The following DNAJC10 variants were observed in gnomAD, a reference collection of about 807,000 sequenced individuals.
DNAJC10 encodes endoplasmic reticulum disulfide reductase DNAJC10.
Under a neutral mutation model 115.0 loss-of-function variants are expected in DNAJC10, and 101 were observed. The observed-to-expected ratio is 0.88, with a 90% confidence interval of 0.75 to 1.04. The LOEUF (loss-of-function observed/expected upper bound fraction) is 1.04. Among genes scored for constraint, DNAJC10 ranks in the 50% least tolerant of loss-of-function variants. The probability of loss-of-function intolerance (pLI) is 0.00; values close to 1 mark genes in which losing one functional copy is unlikely to be tolerated. For synonymous variants in DNAJC10, 307 were observed against 301.5 expected (o/e 1.02, Z -0.19); for missense variants, 981 against 928.8 (o/e 1.06, Z -0.73).
chr2:182,736,057 C>T (rs537045669), intron 10 of DNAJC10, among the ~76,000 whole-genome samples, 192 bp from the exon 11 acceptor site: 1 of 141,492 alleles, frequency 7.1e-6, no homozygotes, highest in East Asian at 2.0e-4. Context: ...CAATTTTTTG[C>T]ACTTAATATT....
intron 21 of DNAJC10, among the ~76,000 whole-genome samples, chr2:182,761,993 A>T (rs1239103878): frequency 6.6e-6 from 1 of 152,122 alleles, no homozygotes; most frequent in African/African-American, 2.4e-5. Context: ...TCAGCAGTAA[A>T]CATCAGTTGC....
chr2:182,769,767 G>C (rs943819160), intron 22 of DNAJC10, among the ~76,000 whole-genome samples: 3 of 152,036 alleles, frequency 2.0e-5, no homozygotes, highest in African/African-American at 7.2e-5. Flanking sequence ...CCATTCTGTA[G>C]GTTGCCTTTC....
intron 22 of DNAJC10, among the ~76,000 whole-genome samples, chr2:182,771,462 T>C (rs1302281905): frequency 6.6e-6 from 1 of 152,086 alleles, no homozygotes; most frequent in East Asian, 1.9e-4. Context: ...GGTCCTGGAC[T>C]TTTTTTGGTT....
intron 14 of DNAJC10, among the ~76,000 whole-genome samples, chr2:182,744,745 C>T (rs1297525407): frequency 6.6e-6 from 1 of 151,984 alleles, no homozygotes; most frequent in Non-Finnish European, 1.5e-5. Context: ...AGTAACTTGC[C>T]CTATGACAGA....
chr2:182,776,257 T>A (rs1694703379), intron 23 of DNAJC10, among the ~76,000 whole-genome samples: 1 of 152,192 alleles, frequency 6.6e-6, no homozygotes. Context: ...GAATAGCAAA[T>A]TTTCTTTTGT....
Position 182,729,952 on chromosome 2 carries a change from T to A in DNAJC10, c.727+11T>A. ...CAGAACTTTGGACAGGTAATTTTAT[T>A]TTCTTAATTTGCTTGATTTTCAGGG... is the stretch of plus-strand genomic sequence containing the variant. On this transcript the variant is annotated intron_variant, in intron 8 of 23. Transcript: ENST00000264065. 6.4e-7 allele frequency: 1 copy of A among 1,551,754 alleles called. No homozygotes were observed. Among genetic ancestry groups the A allele is most frequent in the Non-Finnish European group, 8.8e-7 (1 of 1,135,920 alleles).
At position 182,788,483 on chromosome 2, in the gene DNAJC10, AAAAT is replaced by A. The variant is rs1438297158; in HGVS notation, c.*11353_*11356del. On this transcript the variant is annotated 3_prime_UTR_variant, in exon 24 of 24. Coordinates refer to ENST00000264065, the MANE Select transcript of DNAJC10 (RefSeq NM_018981.4). ...ATCAAATAAGTTATAAAACCACCAA[AAAAT>A]AGGAGAAAATGGGAGTAAAAACAAA... 1 of 203,630 alleles carries A rather than the reference AAAAT, an allele frequency of 4.9e-6. No homozygotes were observed. Among genetic ancestry groups the A allele is most frequent in the Non-Finnish European group, 9.9e-6 (1 of 100,742 alleles). The allele number at this position is 203,630 out of a possible 1,614,324, so 12.6% of individuals were successfully genotyped here. A position where few individuals can be genotyped will look rare whatever the true frequency, so the allele number is the denominator to read the frequency against.
intron 23 of DNAJC10, among the ~76,000 whole-genome samples, chr2:182,775,950 G>A (rs1694694500): frequency 6.6e-6 from 1 of 152,160 alleles, no homozygotes; most frequent in Non-Finnish European, 1.5e-5. Flanking sequence ...CCGAAGTGGA[G>A]TGGGATAGAA....
At chr2:182,720,254 T>A in intron 4 of DNAJC10, 85 bp downstream of exon 4, 1 of 1,129,550 alleles carries the variant, frequency 8.9e-7, no homozygotes, top group Non-Finnish European at 1.3e-6. Flanking sequence ...AGCTTATATA[T>A]TTAAGATGCG....
chr2:182,731,245 A>G, intron 9 of DNAJC10, 138 bp downstream of exon 9: 1 of 582,846 alleles, frequency 1.7e-6, no homozygotes, highest in East Asian at 3.0e-5. Flanking sequence ...TTTTTTACTT[A>G]ATGAATATTC....
At chr2:182,756,701 G>A (rs898367048) in intron 18 of DNAJC10, among the ~76,000 whole-genome samples, 2 of 151,984 alleles carry the variant, frequency 1.3e-5, no homozygotes, top group African/African-American at 2.4e-5. Context: ...CGGGTAGCAG[G>A]GGGCAGAGTC....
chr2:182,736,036 G>T (rs1207955804), intron 10 of DNAJC10, among the ~76,000 whole-genome samples: 3 of 151,736 alleles, frequency 2.0e-5, no homozygotes, highest in Non-Finnish European at 4.4e-5. Context: ...CATTTCTCAA[G>T]TTACTAAGTA....
Position 182,781,031 on chromosome 2 carries a change from A to G in DNAJC10, c.*3899A>G, listed in dbSNP as rs1349977404. 1 of 151,940 alleles carries G rather than the reference A, an allele frequency of 6.6e-6. No homozygotes were observed. Among genetic ancestry groups the G allele is most frequent in the African/African-American group, 2.4e-5 (1 of 41,324 alleles). 9.4% of individuals were successfully genotyped at this position (151,940 alleles called of 1,614,324 possible). The stretch of plus-strand genomic sequence containing the variant: ...TGTGCAGAACATGCAGGTTTGTTAC[A>G]TAGGTATACATGTGCCATGGTGGTT... On this transcript the variant is annotated 3_prime_UTR_variant, in exon 24 of 24. Coordinates refer to ENST00000264065, the MANE Select transcript of DNAJC10 (RefSeq NM_018981.4).
chr2:182,763,077 A>G (rs1160662912), intron 22 of DNAJC10, among the ~76,000 whole-genome samples: 1 of 152,126 alleles, frequency 6.6e-6, no homozygotes, highest in African/African-American at 2.4e-5. Context: ...ATTCGTGATA[A>G]TCTTTGAGTG....
intron 7 of DNAJC10, among the ~76,000 whole-genome samples, chr2:182,729,454 A>C (rs917120808): frequency 6.6e-6 from 1 of 152,180 alleles, no homozygotes; most frequent in African/African-American, 2.4e-5. Flanking sequence ...TGGCAAAAAA[A>C]ACACCATTGA....
chr2:182,740,812 A>G (rs1693714269), intron 12 of DNAJC10, among the ~76,000 whole-genome samples: 1 of 152,098 alleles, frequency 6.6e-6, no homozygotes, highest in Non-Finnish European at 1.5e-5. Context: ...TGCAAAAGTA[A>G]TTGCAGTTTT....
chr2:182,736,114 C>G (rs573662026), intron 10 of DNAJC10, 135 bp from the exon 11 acceptor site: 2 of 597,030 alleles, frequency 3.3e-6, no homozygotes, highest in South Asian at 4.3e-5. Flanking sequence ...TACTTTTTAA[C>G]TTTGCTGTAG....
chr2:182,733,124 A>G (rs1693493774), intron 10 of DNAJC10, among the ~76,000 whole-genome samples: 2 of 152,018 alleles, frequency 1.3e-5, no homozygotes, highest in African/African-American at 4.8e-5. Context: ...ATGATCTATA[A>G]TTTCTAAGAG....
At chr2:182,764,260 A>ATATTTACC (rs1211392540) in intron 22 of DNAJC10, among the ~76,000 whole-genome samples, 1 of 152,176 alleles carries the variant, frequency 6.6e-6, no homozygotes, top group East Asian at 1.9e-4. Flanking sequence ...AGTTTTATCA[A>ATATTTACC]TATTTACCTA....
Sources: allele counts gnomAD v4.1 joint callset (sites outside exome capture counted in the v4.1 genomes callset), GRCh38; gene constraint gnomAD v4.1.1; transcripts MANE v1.5; gene names NCBI Gene and HGNC (gene_info 2026-07-23, HGNC 2026-07-21).